The following GLIS1 variants were observed in gnomAD, a reference collection of about 807,000 sequenced individuals.
The protein encoded by GLIS1 is GLIS family zinc finger 1.
Under a neutral mutation model 63.8 loss-of-function variants are expected in GLIS1, and 24 were observed. The observed-to-expected ratio is 0.38, with a 90% CI of 0.27 to 0.53. GLIS1 has a LOEUF of 0.53. GLIS1 is among the 20% of genes least tolerant of loss of function. The probability of loss-of-function intolerance (pLI) is 0.85; values close to 1 mark genes in which losing one functional copy is unlikely to be tolerated. For synonymous variants in GLIS1, 450 were observed against 482.5 expected, an observed-to-expected ratio of 0.93 and a Z score of 0.88; for missense variants, 1,036 against 1,074.1, an observed-to-expected ratio of 0.96 and a Z score of 0.50.
chr1:53,637,592 A>C (rs943205716), intron 2 of GLIS1, among the ~76,000 whole-genome samples: 11 of 152,158 alleles, frequency 7.2e-5, no homozygotes, highest in Non-Finnish European at 1.3e-4. Flanking sequence ...TAGGGGAAGA[A>C]AAGTACACAT....
chr1:53,581,479 G>T (rs1645083987), intron 4 of GLIS1, among the ~76,000 whole-genome samples: 1 of 152,146 alleles, frequency 6.6e-6, no homozygotes, highest in Admixed American at 6.5e-5. Context: ...TTGTGCATCG[G>T]GAACTGTTTG....
At chr1:53,707,204 A>T (rs530480265) in intron 2 of GLIS1, among the ~76,000 whole-genome samples, 5 of 152,178 alleles carry the variant, frequency 3.3e-5, no homozygotes, top group Non-Finnish European at 7.3e-5. Context: ...GAGAAAGAAG[A>T]TAAGGATGAG....
At chr1:53,710,689 G>A (rs1054998694) in intron 2 of GLIS1, among the ~76,000 whole-genome samples, 10 of 152,118 alleles carry the variant, frequency 6.6e-5, no homozygotes, top group Non-Finnish European at 1.3e-4. Context: ...TGCACTCTCC[G>A]AGCTCCTCCT....
rs529215546 is a variant in GLIS1 at position 53,622,231 on chromosome 1, C to A, written c.260-21953G>T. Reference sequence around the variant, plus strand: ...TCACTAGAGGTCAGGAGTTCGAGACCAGCCTGGCCAACATGGTGAAACCCT... The same window carrying A: ...TCACTAGAGGTCAGGAGTTCGAGACAAGCCTGGCCAACATGGTGAAACCCT... On this transcript the variant is annotated intron_variant, in intron 2 of 10. Transcript: ENST00000628545. Among the ~76,000 whole-genome samples the A allele has an allele frequency of 9.5e-4, 144 of 151,792 alleles. 1 individual carries two copies. The highest frequency in any genetic ancestry group is 3.4e-3 in the African/African-American group (139 of 41,432).
chr1:53,529,693 G>A (rs60041200), intron 5 of GLIS1, 98 bp downstream of exon 5: 85,086 of 1,251,764 alleles, frequency 0.068, 11,204 homozygotes, highest in East Asian at 0.48. Context: ...CCCAAACATC[G>A]GTGGGGCTAC....
chr1:53,602,119 C>T (rs1001853920), intron 2 of GLIS1, among the ~76,000 whole-genome samples: 4 of 152,220 alleles, frequency 2.6e-5, no homozygotes, highest in Admixed American at 6.5e-5. Context: ...CTGCGAGCAA[C>T]GCTTGTTCCC....
chr1:53,572,791 C>T (rs1452041933), intron 4 of GLIS1, among the ~76,000 whole-genome samples: 1 of 152,186 alleles, frequency 6.6e-6, no homozygotes, highest in Non-Finnish European at 1.5e-5. Context: ...CTGGCTGACC[C>T]CATTGCCTGG....
chr1:53,650,185 C>T (rs114906193), intron 2 of GLIS1, among the ~76,000 whole-genome samples: 3,077 of 152,164 alleles, frequency 0.02, 124 homozygotes, highest in African/African-American at 0.07. Context: ...ATAATCCAGA[C>T]GGAGAAATAG....
chr1:53,563,143 T>TCA (rs1644907592), intron 4 of GLIS1, among the ~76,000 whole-genome samples: 1 of 152,250 alleles, frequency 6.6e-6, no homozygotes, highest in African/African-American at 2.4e-5. Flanking sequence ...GGGCAGGTAC[T>TCA]CAACTCAGGC....
intron 2 of GLIS1, among the ~76,000 whole-genome samples, chr1:53,653,789 T>G (rs557849910): frequency 1.1e-4 from 16 of 152,238 alleles, no homozygotes; most frequent in Non-Finnish European, 2.2e-4. Flanking sequence ...GTGACCCCAG[T>G]CACTGGCCCT....
intron 4 of GLIS1, among the ~76,000 whole-genome samples, chr1:53,558,929 G>A (rs1243381194): frequency 1.3e-5 from 2 of 152,202 alleles, no homozygotes; most frequent in Admixed American, 6.5e-5. Flanking sequence ...TCCTGTGATC[G>A]TGGTGCTCTA....
intron 6 of GLIS1, among the ~76,000 whole-genome samples, chr1:53,523,813 G>GTGCCATGT (rs1457144656): frequency 8.6e-5 from 13 of 151,958 alleles, no homozygotes; most frequent in Non-Finnish European, 7.4e-5. Flanking sequence ...ACCTCTCAAG[G>GTGCCATGT]TGCCATGTCC....
chr1:53,690,498 T>G (rs1208482856), intron 2 of GLIS1, among the ~76,000 whole-genome samples: 1 of 152,238 alleles, frequency 6.6e-6, no homozygotes, highest in Non-Finnish European at 1.5e-5. Flanking sequence ...GAAAGGACAC[T>G]TTAACCACAG....
chr1:53,575,969 AGT>A (rs1645028462), intron 4 of GLIS1, among the ~76,000 whole-genome samples: 1 of 152,136 alleles, frequency 6.6e-6, no homozygotes, highest in South Asian at 2.1e-4. Flanking sequence ...GGGAAAGGAC[AGT>A]CAAAGTCATC....
chr1:53,593,136 C>T (rs1462000580), intron 4 of GLIS1, among the ~76,000 whole-genome samples: 1 of 152,260 alleles, frequency 6.6e-6, no homozygotes, highest in Non-Finnish European at 1.5e-5. Flanking sequence ...GCACCAGCCC[C>T]AGCACACCAG....
intron 2 of GLIS1, among the ~76,000 whole-genome samples, chr1:53,668,405 AG>A (rs1487555585): frequency 3.3e-5 from 5 of 152,332 alleles, no homozygotes; most frequent in Admixed American, 3.3e-4. Context: ...TCTGTCACCC[AG>A]GCTGCAGTGC....
chr1:53,593,419 G>GT (rs1358990273), intron 4 of GLIS1, among the ~76,000 whole-genome samples: 26 of 152,372 alleles, frequency 1.7e-4, no homozygotes, highest in Admixed American at 3.9e-4. Flanking sequence ...AGTACTCACA[G>GT]TTAATATGCG....
chr1:53,530,569 C>G (rs1044352293), intron 4 of GLIS1, among the ~76,000 whole-genome samples: 1 of 152,324 alleles, frequency 6.6e-6, no homozygotes, highest in South Asian at 2.1e-4. Flanking sequence ...CTGAAGGGCC[C>G]TTCACAGATC....
chr1:53,722,343 TG>T (rs1646763979), intron 2 of GLIS1, among the ~76,000 whole-genome samples: 1 of 152,176 alleles, frequency 6.6e-6, no homozygotes, highest in Admixed American at 6.5e-5. Flanking sequence ...TTAGCTTTAC[TG>T]GGGGAAAGCT....
Sources: allele counts gnomAD v4.1 joint callset (sites outside exome capture counted in the v4.1 genomes callset), GRCh38; gene constraint gnomAD v4.1.1; transcripts MANE v1.5; gene names NCBI Gene and HGNC (gene_info 2026-07-23, HGNC 2026-07-21).